The following SLC2A10 variants were observed in gnomAD, a reference collection of about 807,000 sequenced individuals.
SLC2A10 encodes the protein solute carrier family 2 member 10.
In SLC2A10, 25 loss-of-function variants were observed where a neutral mutation model predicts 32.1. The ratio of observed to expected loss-of-function variants is 0.78; its 90% CI spans 0.57 to 1.09. The LOEUF is 1.09. SLC2A10 is among the 50% of genes least tolerant of loss of function. The pLI is 0.00. For synonymous variants in SLC2A10, 332 were observed against 309.6 expected, an observed-to-expected ratio of 1.07 and a Z score of -0.76; for missense variants, 673 against 686.5, an observed-to-expected ratio of 0.98 and a Z score of 0.22.
intron 1 of SLC2A10, among the ~76,000 whole-genome samples, chr20:46,715,433 G>A (rs906649031): frequency 6.6e-6 from 1 of 152,172 alleles, no homozygotes; most frequent in African/African-American, 2.4e-5. Flanking sequence ...CACATGGCCT[G>A]GAAGGACCTT....
intron 1 of SLC2A10, among the ~76,000 whole-genome samples, chr20:46,719,388 A>G (rs576624091): frequency 7.2e-5 from 11 of 152,316 alleles, no homozygotes; most frequent in Admixed American, 2.0e-4. Context: ...GACATACCTG[A>G]GACTGGGTAG....
At chr20:46,708,891 C>T (rs551301129), upstream of SLC2A10, among the ~76,000 whole-genome samples, 4 of 152,332 alleles carry the variant, frequency 2.6e-5, no homozygotes, top group African/African-American at 7.2e-5. Context: ...CTTTGCTGTT[C>T]CCCCTGCGGG....
chr20:46,709,435 A>T (rs868713692), upstream of SLC2A10: 140 of 429,330 alleles, frequency 3.3e-4, no homozygotes, highest in African/African-American at 2.8e-3. Flanking sequence ...ACTACCAACG[A>T]AGGGGACCCG....
rs1980448016 is a variant in SLC2A10, at chr20:46,734,113, T to C, written c.*279T>C. 2 of 510,022 alleles carry C rather than the reference T, an allele frequency of 3.9e-6. No homozygotes were observed. Among genetic ancestry groups the C allele is most frequent in the African/African-American group, 1.9e-5 (1 of 51,762 alleles). 31.6% of individuals were successfully genotyped at this position (510,022 alleles called of 1,614,324 possible). ...TCTGCAGTATTTATAAGAAGAATAT[T>C]CTATGAAGTCTTTGTTGCACCATGG... On this transcript the variant is annotated 3_prime_UTR_variant, in exon 5 of 5. Coordinates refer to ENST00000359271, the MANE Select transcript of SLC2A10 (RefSeq NM_030777.4).
chr20:46,717,904 G>A (rs1175249421), intron 1 of SLC2A10, among the ~76,000 whole-genome samples: 1 of 152,110 alleles, frequency 6.6e-6, no homozygotes, highest in Admixed American at 6.5e-5. Flanking sequence ...GTTGAGAAAG[G>A]CTAAATCTAA....
At chr20:46,726,573 C>A (rs1317634331) in intron 2 of SLC2A10, among the ~76,000 whole-genome samples, 5 of 152,168 alleles carry the variant, frequency 3.3e-5, no homozygotes, top group African/African-American at 9.7e-5. Flanking sequence ...CCTTAAAGCC[C>A]GGATAGCTCA....
At chr20:46,709,959 A>G in intron 1 of SLC2A10, 1 of 565,164 alleles carries the variant, frequency 1.8e-6, no homozygotes, top group Non-Finnish European at 3.0e-6. Flanking sequence ...CTGCCCCGGA[A>G]AAGTGGCCCC....
At chr20:46,709,272 G>A (rs1219018691), upstream of SLC2A10, among the ~76,000 whole-genome samples, 1 of 151,376 alleles carries the variant, frequency 6.6e-6, no homozygotes, top group East Asian at 2.0e-4. Flanking sequence ...TGTGTGTTGT[G>A]TGTGTTGTGT....
intron 1 of SLC2A10, among the ~76,000 whole-genome samples, chr20:46,712,207 G>A (rs1978952495): frequency 2.0e-5 from 3 of 152,160 alleles, no homozygotes; most frequent in Admixed American, 2.0e-4. Context: ...TGGGACATTT[G>A]GAAGCCGGCC....
intron 1 of SLC2A10, among the ~76,000 whole-genome samples, chr20:46,721,389 T>C (rs1254602995): frequency 6.6e-6 from 1 of 150,454 alleles, no homozygotes; most frequent in South Asian, 2.1e-4. Context: ...TCCTCACTAC[T>C]ATATATGTGT....
At chr20:46,708,781 TC>T (rs1170384873), upstream of SLC2A10, among the ~76,000 whole-genome samples, 3 of 152,094 alleles carry the variant, frequency 2.0e-5, no homozygotes, top group Non-Finnish European at 4.4e-5. Flanking sequence ...AGCTCCCATC[TC>T]CCTCCTCTCT....
At chr20:46,722,597 T>A (rs1291838647) in intron 1 of SLC2A10, among the ~76,000 whole-genome samples, 1 of 152,212 alleles carries the variant, frequency 6.6e-6, no homozygotes, top group African/African-American at 2.4e-5. Flanking sequence ...ATATCCATCA[T>A]CATGGTGGTT....
At position 46,734,145 on chromosome 20, in the gene SLC2A10, C is replaced by G. The variant is rs901258969; in HGVS notation, c.*311C>G. ...AGTCTTTGTTGCACCATGGACTTTT[C>G]TCAAAGAATCTCAAGGGTACCAATC... On this transcript the variant is annotated 3_prime_UTR_variant, in exon 5 of 5. Coordinates refer to ENST00000359271, the MANE Select transcript of SLC2A10 (RefSeq NM_030777.4). 4.6e-6 allele frequency: 2 copies of G among 435,496 alleles called. No individual in the cohort carries two copies. The highest frequency in any genetic ancestry group is 8.5e-6 in the Non-Finnish European group (2 of 235,560). 27.0% of individuals were successfully genotyped at this position (435,496 alleles called of 1,614,324 possible).
Position 46,709,968 on chromosome 20 carries a change from C to T in SLC2A10, c.4+228C>T, listed in dbSNP as rs181896882. 920 of 557,940 alleles carry T rather than the reference C, an allele frequency of 1.6e-3. 5 individuals are homozygous for T. The highest frequency in any genetic ancestry group is 0.016 in the African/African-American group (789 of 49,988). 34.6% of individuals were successfully genotyped at this position (557,940 alleles called of 1,614,324 possible). On this transcript the variant is annotated intron_variant, in intron 1 of 4. Coordinates refer to ENST00000359271, the MANE Select transcript of SLC2A10 (RefSeq NM_030777.4). ...TCCTTTCTGCCCCGGAAAAGTGGCC[C>T]CTCACTTGCTGCAGCGCCCACTCGG...
At chr20:46,709,955 C>T (rs554431634) in intron 1 of SLC2A10, 88 of 568,870 alleles carry the variant, frequency 1.5e-4, no homozygotes, top group Non-Finnish European at 2.5e-4. Context: ...CTTTCTGCCC[C>T]GGAAAAGTGG....
rs889941358 is a variant in SLC2A10 at position 46,726,113 on chromosome 20, C to G, written c.1077C>G (p.Thr359=). 1.9e-6 allele frequency: 3 copies of G among 1,614,246 alleles called. No homozygotes were observed. Among genetic ancestry groups the G allele is most frequent in the Non-Finnish European group, 2.5e-6 (3 of 1,180,044 alleles). The change falls in exon 2 of 5, where the codon ACC becomes ACG. Residue 359 remains threonine (T), a synonymous_variant. Transcript: ENST00000359271. ...QDSSLPPIPR[T]NEDQREPILS... ...CCTCTCTACCTCCCATTCCAAGGAC[C>G]AATGAGGACCAAAGGGAGCCAATCT...
At chr20:46,723,547 G>T (rs999761945) in intron 1 of SLC2A10, among the ~76,000 whole-genome samples, 1 of 152,132 alleles carries the variant, frequency 6.6e-6, no homozygotes. Context: ...ATAGATGACC[G>T]ATTTGTTTCC....
At chr20:46,727,030 G>T in intron 3 of SLC2A10, 44 bp downstream of exon 3, 3 of 1,613,944 alleles carry the variant, frequency 1.9e-6, no homozygotes, top group Non-Finnish European at 2.5e-6. Context: ...TGTGGCCCAA[G>T]CTCCCTACTC....
chr20:46,728,842 C>T (rs1439168026), intron 3 of SLC2A10, among the ~76,000 whole-genome samples: 1 of 151,894 alleles, frequency 6.6e-6, no homozygotes, highest in Non-Finnish European at 1.5e-5. Context: ...CCAGGCTGGT[C>T]TTGAACTCCT....
Sources: gnomAD v4.1 joint callset for allele counts (sites outside exome capture counted in the v4.1 genomes callset) on GRCh38, gnomAD v4.1.1 for gene constraint, MANE v1.5 for transcripts, NCBI Gene and HGNC (gene_info 2026-07-23, HGNC 2026-07-21) for gene names.